Variants in FAM83D observed in about 807,000 individuals in gnomAD.
FAM83D encodes protein FAM83D.
Under a neutral mutation model 25.4 loss-of-function variants are expected in FAM83D, and 26 were observed. That is an observed-to-expected ratio of 1.02 (90% confidence interval 0.75 to 1.42). The LOEUF (loss-of-function observed/expected upper bound fraction) is 1.42, where lower values mean the gene tolerates loss of function less well. FAM83D is among the 40% of genes most tolerant of loss of function. FAM83D has a pLI of 0.00. For synonymous variants in FAM83D, 310 were observed against 318.5 expected (o/e 0.97, Z 0.28); for missense variants, 740 against 758.1 (o/e 0.98, Z 0.28).
rs376648441 is a variant in FAM83D at position 38,952,078 on chromosome 20, C to T, written c.1316C>T (p.Ser439Leu). The change falls in exon 4 of 4, where the codon TCG becomes TTG. Residue 439 changes from serine (S) to leucine (L), a missense_variant. Transcript: ENST00000619850. ...ASSQTTIWSR[S>L]TTTQTDMDEN... ...TCTCAAACCACGATTTGGTCCAGAT[C>T]GACCACTACTCAGACTGACATGGAT... 1.6e-5 allele frequency: 26 copies of T among 1,614,106 alleles called. No individual in the cohort carries two copies. The highest frequency in any genetic ancestry group is 6.7e-5 in the African/African-American group (5 of 74,936).
chr20:38,948,974 GT>G (rs1432195322), intron 3 of FAM83D, among the ~76,000 whole-genome samples: 3 of 152,120 alleles, frequency 2.0e-5, no homozygotes, highest in Non-Finnish European at 4.4e-5. Context: ...AAAAAAATTT[GT>G]TTTTAACCTA....
At chr20:38,930,306 G>GA (rs945886729) in intron 1 of FAM83D, among the ~76,000 whole-genome samples, 1 of 152,176 alleles carries the variant, frequency 6.6e-6, no homozygotes, top group African/African-American at 2.4e-5. Flanking sequence ...CCCTTGACCT[G>GA]AATTACCTCA....
chr20:38,945,570 G>A (rs1442237977), intron 2 of FAM83D, among the ~76,000 whole-genome samples: 2 of 152,056 alleles, frequency 1.3e-5, no homozygotes, highest in African/African-American at 4.8e-5. Flanking sequence ...CTAATTTACA[G>A]ACTTATACAT....
chr20:38,932,920 G>T (rs6028209), intron 1 of FAM83D, among the ~76,000 whole-genome samples: 6 of 152,286 alleles, frequency 3.9e-5, no homozygotes, highest in African/African-American at 1.4e-4. Context: ...GGATCATTGC[G>T]TTCCCAGAGA....
chr20:38,933,688 A>C (rs1207305672), intron 1 of FAM83D, among the ~76,000 whole-genome samples: 1 of 152,232 alleles, frequency 6.6e-6, no homozygotes, highest in Non-Finnish European at 1.5e-5. Context: ...GTAAGTGTAC[A>C]GTTCAGTGGC....
intron 2 of FAM83D, 90 bp from the exon 3 acceptor site, chr20:38,947,786 G>A (rs750488394): frequency 1.0e-5 from 15 of 1,486,950 alleles, no homozygotes; most frequent in East Asian, 2.3e-5. Flanking sequence ...TCTGGGAATT[G>A]TAAACTAAGG....
At position 38,952,480 on chromosome 20, in the gene FAM83D, T is replaced by C; in HGVS notation, c.1718T>C (p.Leu573Pro). ...HSGNFSRVNL[L>P]AVRDVALYPS... ...GGCAATTTCAGCAGAGTTAATTTGC[T>C]TGCTGTTAGAGATGTAGCACTTTAT... Residue 573 changes from leucine to proline, a missense_variant, in exon 4 of 4, where the codon CTT becomes CCT. By Grantham distance (98) the Leu-to-Pro change is moderately conservative (BLOSUM62 -3). Around this residue, in one of 3 missense-constraint regions of FAM83D, gnomAD observed 375 missense variants for 403.2 expected, o/e 0.93. Transcript: ENST00000619850. 6.2e-7 allele frequency: 1 copy of C among 1,614,082 alleles called. No individual in the cohort carries two copies. The highest frequency in any genetic ancestry group is 8.5e-7 in the Non-Finnish European group (1 of 1,180,038).
chr20:38,942,352 A>T (rs768992995), intron 2 of FAM83D, among the ~76,000 whole-genome samples: 1 of 152,190 alleles, frequency 6.6e-6, no homozygotes, highest in Non-Finnish European at 1.5e-5. Context: ...ACAAAAATTT[A>T]TGTGTGAGTT....
chr20:38,931,637 C>T (rs1266129553), intron 1 of FAM83D, among the ~76,000 whole-genome samples: 1 of 152,234 alleles, frequency 6.6e-6, no homozygotes, highest in Admixed American at 6.5e-5. Context: ...TCAGGAATGT[C>T]TCTGGAAGGA....
intron 1 of FAM83D, among the ~76,000 whole-genome samples, chr20:38,932,284 G>A (rs1270876174): frequency 6.6e-6 from 1 of 152,366 alleles, no homozygotes; most frequent in Non-Finnish European, 1.5e-5. Context: ...TACTCAGCAG[G>A]CTGAGGCAGG....
chr20:38,935,101 A>G (rs1461326184), intron 1 of FAM83D, among the ~76,000 whole-genome samples: 1 of 152,242 alleles, frequency 6.6e-6, no homozygotes, highest in East Asian at 1.9e-4. Flanking sequence ...ACAAAAAACT[A>G]TTGGAAATAT....
At chr20:38,930,835 G>A (rs1435279256) in intron 1 of FAM83D, among the ~76,000 whole-genome samples, 7 of 152,168 alleles carry the variant, frequency 4.6e-5, no homozygotes, top group South Asian at 4.1e-4. Context: ...ATGGGGTTTC[G>A]CCATGTTGGC....
intron 2 of FAM83D, among the ~76,000 whole-genome samples, chr20:38,945,783 G>A (rs1284671335): frequency 8.4e-6 from 1 of 118,856 alleles, no homozygotes; most frequent in Non-Finnish European, 1.6e-5. Context: ...TAAGAGATAA[G>A]GTCTCGCTAT....
chr20:38,937,880 C>T (rs2085685146), intron 1 of FAM83D, among the ~76,000 whole-genome samples: 2 of 152,252 alleles, frequency 1.3e-5, no homozygotes, highest in East Asian at 3.9e-4. Flanking sequence ...ATTGCTTGTG[C>T]TTCAGAGGCG....
intron 1 of FAM83D, among the ~76,000 whole-genome samples, chr20:38,935,086 A>G (rs1312011086): frequency 1.3e-5 from 2 of 152,212 alleles, no homozygotes; most frequent in Non-Finnish European, 2.9e-5. Flanking sequence ...AAAATGGAAG[A>G]ATATACAAAA....
intron 2 of FAM83D, 137 bp downstream of exon 2, chr20:38,942,263 C>T: frequency 1.1e-6 from 1 of 915,340 alleles, no homozygotes; most frequent in Non-Finnish European, 1.7e-6. Context: ...TTTGCCTGGT[C>T]TTACAGAAAA....
At chr20:38,949,403 G>A (rs996418982) in intron 3 of FAM83D, among the ~76,000 whole-genome samples, 3 of 152,064 alleles carry the variant, frequency 2.0e-5, no homozygotes, top group Non-Finnish European at 2.9e-5. Context: ...CAGGTGATCC[G>A]CTGGCCTCGG....
In FAM83D at chr20:38,926,745, C is replaced by G. The variant is rs781523150; in HGVS notation, c.303C>G (p.Tyr101Ter). Residue 101 changes from tyrosine (Y) to a stop codon, truncating the protein, a stop_gained, in exon 1 of 4, where the codon TAC becomes TAG. Transcript: ENST00000619850. LOFTEE classifies it high-confidence loss of function. ...GSSHDCSSGT[Y>*]FPEQSDLEPP... is the part of the protein sequence containing the mutation. ...CGCACGACTGCTCTTCGGGCACCTA[C>G]TTCCCCGAGCAGTCGGACCTGGAGC... is the stretch of plus-strand genomic sequence containing the variant. 75 of 1,535,626 alleles carry G rather than the reference C, an allele frequency of 4.9e-5. No individual in the cohort carries two copies. In the East Asian group the frequency reaches 1.8e-3, roughly 36 times the overall value.
intron 1 of FAM83D, among the ~76,000 whole-genome samples, chr20:38,937,756 C>T (rs1311579146): frequency 1.3e-5 from 2 of 152,132 alleles, no homozygotes; most frequent in Non-Finnish European, 2.9e-5. Flanking sequence ...CACTTAAGCT[C>T]AGAAGTTGGA....
Sources: allele counts gnomAD v4.1 joint callset (sites outside exome capture counted in the v4.1 genomes callset), GRCh38; gene constraint gnomAD v4.1.1; regional missense constraint gnomAD v4.1.1; transcripts MANE v1.5; gene names NCBI Gene and HGNC (gene_info 2026-07-23, HGNC 2026-07-21).